Variants in DPP10 observed in about 807,000 individuals in gnomAD.
DPP10 encodes dipeptidyl peptidase like 10.
DPP10 carries 33 observed loss-of-function variants against 120.9 expected under a neutral mutation model. That is an observed-to-expected ratio of 0.27 (90% CI 0.21 to 0.37). The LOEUF (loss-of-function observed/expected upper bound fraction) is 0.37, where lower values mean the gene tolerates loss of function less well. DPP10 is among the 10% of genes least tolerant of loss of function. The probability of loss-of-function intolerance (pLI) is 1.00; values close to 1 mark genes in which losing one functional copy is unlikely to be tolerated. For missense variants in DPP10, 816 were observed against 942.8 expected (o/e 0.87, Z 1.76); for synonymous variants, 337 against 326.1 (o/e 1.03, Z -0.36).
At chr2:115,739,687 C>A in intron 8 of DPP10, 52 bp from the exon 9 acceptor site, 1 of 1,565,634 alleles carries the variant, frequency 6.4e-7, no homozygotes, top group South Asian at 1.1e-5. Flanking sequence ...GTTTGTGGGT[C>A]ACTGAGCCCA....
At chr2:115,434,975 A>G (rs960178227) in intron 3 of DPP10, among the ~76,000 whole-genome samples, 1 of 151,604 alleles carries the variant, frequency 6.6e-6, no homozygotes. Context: ...AATGGCTTCT[A>G]GTTCCATCCA....
At chr2:115,378,042 T>G (rs1427666275) in intron 3 of DPP10, among the ~76,000 whole-genome samples, 1 of 152,010 alleles carries the variant, frequency 6.6e-6, no homozygotes, top group African/African-American at 2.4e-5. Context: ...GCGGGCTGTT[T>G]TTTGGTTCCA....
chr2:114,459,439 C>T (rs187620918), intron 1 of DPP10, among the ~76,000 whole-genome samples: 3 of 152,174 alleles, frequency 2.0e-5, no homozygotes, highest in Non-Finnish European at 4.4e-5. Flanking sequence ...TTAGAAAGAT[C>T]TGTACAAGGT....
At chr2:114,705,128 A>G (rs966584160) in intron 1 of DPP10, among the ~76,000 whole-genome samples, 7 of 152,300 alleles carry the variant, frequency 4.6e-5, no homozygotes, top group African/African-American at 1.7e-4. Context: ...ACAAGGGGCC[A>G]TGGTCAAATA....
intron 1 of DPP10, among the ~76,000 whole-genome samples, chr2:114,809,145 A>C (rs186947994): frequency 2.3e-4 from 35 of 152,280 alleles, no homozygotes; most frequent in East Asian, 1.7e-3. Context: ...GTGGATGTTC[A>C]GTAATATTAA....
At chr2:114,731,810 G>T (rs1034791524) in intron 1 of DPP10, among the ~76,000 whole-genome samples, 2 of 152,126 alleles carry the variant, frequency 1.3e-5, no homozygotes, top group Non-Finnish European at 2.9e-5. Context: ...CAGCCAACAG[G>T]TTGGGATTTC....
At chr2:114,953,817 GTTAT>G (rs1270681963) in intron 1 of DPP10, among the ~76,000 whole-genome samples, 2 of 151,884 alleles carry the variant, frequency 1.3e-5, no homozygotes, top group Non-Finnish European at 1.5e-5. Context: ...TGTTTTGTTT[GTTAT>G]TTATTATACT....
At chr2:115,707,817 A>G (rs1212544556) in intron 7 of DPP10, among the ~76,000 whole-genome samples, 3 of 151,908 alleles carry the variant, frequency 2.0e-5, no homozygotes, top group Admixed American at 6.6e-5. Flanking sequence ...TGTTATTATT[A>G]CAATAGGTAA....
At chr2:115,234,737 A>G (rs1052172723) in intron 1 of DPP10, 2 of 152,236 alleles carry the variant, frequency 1.3e-5, no homozygotes, top group Admixed American at 1.3e-4. Flanking sequence ...TCTGAAATAT[A>G]TAATTCTTTC....
chr2:115,458,202 T>C (rs1250042528), intron 3 of DPP10, among the ~76,000 whole-genome samples: 4 of 152,104 alleles, frequency 2.6e-5, no homozygotes, highest in Non-Finnish European at 5.9e-5. Context: ...ATGAGAGACA[T>C]GGAAGGAGTA....
intron 1 of DPP10, among the ~76,000 whole-genome samples, chr2:115,059,258 AT>A (rs1706193172): frequency 2.0e-5 from 3 of 151,386 alleles, no homozygotes; most frequent in South Asian, 4.1e-4. Flanking sequence ...ACTTTAGCAT[AT>A]TTTCTTAATA....
intron 1 of DPP10, among the ~76,000 whole-genome samples, chr2:115,273,462 G>A (rs552966863): frequency 9.9e-5 from 15 of 152,012 alleles, no homozygotes; most frequent in Admixed American, 2.0e-4. Flanking sequence ...TCAGCCTCCC[G>A]AGTAGCTGGG....
chr2:115,597,553 A>G (rs984375550), intron 5 of DPP10, among the ~76,000 whole-genome samples: 8 of 149,970 alleles, frequency 5.3e-5, no homozygotes, highest in Non-Finnish European at 1.2e-4. Flanking sequence ...ACACATTTAT[A>G]TACATTATAT....
chr2:115,661,969 A>G (rs945633149), intron 5 of DPP10, among the ~76,000 whole-genome samples: 8 of 152,178 alleles, frequency 5.3e-5, no homozygotes, highest in Non-Finnish European at 8.8e-5. Flanking sequence ...TCTAGAACTT[A>G]CCCATCTCAC....
intron 3 of DPP10, among the ~76,000 whole-genome samples, chr2:115,386,955 C>T (rs2066985997): frequency 6.6e-6 from 1 of 151,594 alleles, no homozygotes; most frequent in African/African-American, 2.4e-5. Context: ...AAATGCCTCC[C>T]TTTAAAGAGT....
chr2:115,750,754 C>G (rs1006993621), intron 10 of DPP10, among the ~76,000 whole-genome samples: 8 of 152,026 alleles, frequency 5.3e-5, no homozygotes, highest in African/African-American at 1.9e-4. Context: ...CATTCTTTTC[C>G]AAAGATTAAG....
intron 1 of DPP10, among the ~76,000 whole-genome samples, chr2:114,487,944 CAG>C (rs1294969564): frequency 3.3e-5 from 5 of 152,160 alleles, no homozygotes; most frequent in Non-Finnish European, 7.4e-5. Flanking sequence ...CACTAACAAA[CAG>C]AAAACGTTTA....
chr2:114,446,202 T>C (rs1341018374), intron 1 of DPP10, among the ~76,000 whole-genome samples: 1 of 152,218 alleles, frequency 6.6e-6, no homozygotes, highest in East Asian at 1.9e-4. Context: ...GCACTGAAAG[T>C]AAATTAAACC....
chr2:115,300,263 G>T (rs1444576370), intron 1 of DPP10, among the ~76,000 whole-genome samples: 1 of 151,874 alleles, frequency 6.6e-6, no homozygotes, highest in Non-Finnish European at 1.5e-5. Flanking sequence ...CTACCATTCT[G>T]CCTTCTGTCT....
Sources: gnomAD v4.1 joint callset for allele counts (sites outside exome capture counted in the v4.1 genomes callset) on GRCh38, gnomAD v4.1.1 for gene constraint, MANE v1.5 for transcripts, NCBI Gene and HGNC (gene_info 2026-07-23, HGNC 2026-07-21) for gene names.